The following CFAP100 variants were observed in gnomAD, a reference collection of about 807,000 sequenced individuals.
CFAP100 encodes cilia- and flagella-associated protein 100.
CFAP100 carries 70 observed loss-of-function variants against 81.5 expected under a neutral mutation model. The observed-to-expected ratio is 0.86, with a 90% CI of 0.71 to 1.05. The LOEUF (loss-of-function observed/expected upper bound fraction) is 1.05. CFAP100 is among the 50% of genes least tolerant of loss of function. CFAP100 has a pLI of 0.00. For missense variants in CFAP100, 811 were observed against 776.5 expected (o/e 1.04, Z -0.53); for synonymous variants, 341 against 314.8 (o/e 1.08, Z -0.88).
At chr3:126,409,159 CTCCCCAGAAATTATCCG>C (rs2083115975) in intron 3 of CFAP100, among the ~76,000 whole-genome samples, 1 of 152,186 alleles carries the variant, frequency 6.6e-6, no homozygotes, top group Non-Finnish European at 1.5e-5. Context: ...CCATTTCCAT[CTCCCCAGAAATTATCCG>C]TCCCCCAGAG....
chr3:126,434,589 G>A (rs577577427), intron 15 of CFAP100: 7 of 568,700 alleles, frequency 1.2e-5, no homozygotes, highest in Non-Finnish European at 2.2e-5. Context: ...TAGAGCAAAC[G>A]ACAGTGACTC....
chr3:126,418,287 CTT>C (rs1397827379), intron 5 of CFAP100, 169 bp from the exon 6 acceptor site: 5 of 616,942 alleles, frequency 8.1e-6, no homozygotes, highest in African/African-American at 1.8e-5. Context: ...AGCCTTCTCT[CTT>C]TTTGTGGAGA....
At chr3:126,404,513 T>G (rs947257397) in intron 2 of CFAP100, among the ~76,000 whole-genome samples, 2 of 152,182 alleles carry the variant, frequency 1.3e-5, no homozygotes, top group Non-Finnish European at 2.9e-5. Context: ...CAAGTATATT[T>G]ATCATTCCAC....
At position 126,436,339 on chromosome 3, in the gene CFAP100, A is replaced by T. The variant is rs763372222; in HGVS notation, c.1771A>T (p.Lys591Ter). ...CTCACGACCCCCAGCCCACAGGATC[A>T]AACAACAGTCTGAGCACACACTGAT... is the stretch of plus-strand genomic sequence containing the variant. ...CRSRPPAHRI[K>*]QQSEHTLMDK... The change falls in exon 17 of 17, where the codon AAA (lysine) becomes TAA (stop). Residue 591 changes from lysine to a stop codon, truncating the protein, a stop_gained. Transcript: ENST00000352312. LOFTEE classifies it low-confidence loss of function (END_TRUNC). The T allele has an allele frequency of 6.2e-7, 1 of 1,614,118 alleles. No homozygotes were observed. Among genetic ancestry groups the T allele is most frequent in the Non-Finnish European group, 8.5e-7 (1 of 1,179,976 alleles).
intron 3 of CFAP100, among the ~76,000 whole-genome samples, chr3:126,407,898 G>A (rs769548888): frequency 2.0e-5 from 3 of 152,124 alleles, no homozygotes; most frequent in South Asian, 2.1e-4. Context: ...CTGTGGCTCC[G>A]ACCTCCCTTG....
At chr3:126,408,560 G>A (rs2083105061) in intron 3 of CFAP100, among the ~76,000 whole-genome samples, 1 of 152,112 alleles carries the variant, frequency 6.6e-6, no homozygotes, top group African/African-American at 2.4e-5. Flanking sequence ...TCCTGATGCT[G>A]GCACTGGGAC....
At chr3:126,403,281 G>A (rs2083014855) in intron 2 of CFAP100, among the ~76,000 whole-genome samples, 1 of 152,170 alleles carries the variant, frequency 6.6e-6, no homozygotes. Context: ...TAGGAGGAAA[G>A]GAGAGAGAAT....
At chr3:126,402,995 C>T (rs966648427) in intron 2 of CFAP100, among the ~76,000 whole-genome samples, 1 of 151,892 alleles carries the variant, frequency 6.6e-6, no homozygotes, top group Non-Finnish European at 1.5e-5. Flanking sequence ...AAGAGGGTGT[C>T]GGGGATGCCT....
chr3:126,396,014 C>G lies in CFAP100; in HGVS notation c.14C>G (p.Pro5Arg). ...GCCTCAGCCAAGATGTCTGAGATACCGTCCACTATAGTCTCCAAGAACATG... is the reference window on the plus strand; with the variant it reads ...GCCTCAGCCAAGATGTCTGAGATACGGTCCACTATAGTCTCCAAGAACATG... MSEIPSTIVSKNMTN... is the reference protein window; with the variant it reads MSEIRSTIVSKNMTN... Residue 5 changes from proline (P) to arginine (R), a missense_variant, in exon 2 of 17, where the codon CCG becomes CGG. Coordinates refer to ENST00000352312, the MANE Select transcript of CFAP100 (RefSeq NM_182628.3). 6 of 1,613,958 alleles carry G rather than the reference C, an allele frequency of 3.7e-6. No homozygotes were observed. Among genetic ancestry groups the G allele is most frequent in the Non-Finnish European group, 5.1e-6 (6 of 1,179,828 alleles).
intron 2 of CFAP100, 77 bp from the exon 3 acceptor site, chr3:126,407,095 C>G (rs1359749187): frequency 1.0e-6 from 1 of 977,958 alleles, no homozygotes; most frequent in African/African-American, 1.6e-5. Context: ...TGAGACATTC[C>G]CCGCCTCAGG....
At position 126,435,660 on chromosome 3, in the gene CFAP100, G is replaced by A; in HGVS notation, c.1722+8G>A. 13 of 1,608,462 alleles carry A rather than the reference G, an allele frequency of 8.1e-6. No individual in the cohort carries two copies. The highest frequency in any genetic ancestry group is 1.1e-5 in the Non-Finnish European group (13 of 1,176,390). On this transcript the variant is annotated splice_region_variant and intron_variant, in intron 16 of 16. Transcript: ENST00000352312. The stretch of plus-strand genomic sequence containing the variant: ...GCTGAGATCAAGAAGAAGGTAGGCA[G>A]GGTCGCCTTGGGGGGTCTCTGCTGG...
In CFAP100 at chr3:126,416,387, C is replaced by T. The variant is rs747119104; in HGVS notation, c.297C>T (p.His99=). 8 of 1,611,948 alleles carry T rather than the reference C, an allele frequency of 5.0e-6. No individual in the cohort carries two copies. In the East Asian group the frequency reaches 1.6e-4, roughly 31 times the overall value. Residue 99 remains histidine (H), a synonymous_variant, in exon 5 of 17, where the codon CAC becomes CAT. Transcript: ENST00000352312. ...ACTCCTCGAAAGTGTCGGCTAAGCA[C>T]ACCAGCCTGCGGCGGCAGCTGCAGC... ...MTYSSKVSAK[H]TSLRRQLQLE...
chr3:126,403,470 C>T (rs7647994), intron 2 of CFAP100, among the ~76,000 whole-genome samples: 83,635 of 149,848 alleles, frequency 0.56, 23,472 homozygotes, highest in African/African-American at 0.62. Context: ...CTGCAATCTC[C>T]ACCTCCCAGG....
At chr3:126,435,038 G>A (rs1302084087) in intron 15 of CFAP100, among the ~76,000 whole-genome samples, 1 of 152,162 alleles carries the variant, frequency 6.6e-6, no homozygotes, top group African/African-American at 2.4e-5. Flanking sequence ...GCAGGGCTCT[G>A]AGACAGCGCA....
At chr3:126,428,832 T>G (rs1933063958) in intron 13 of CFAP100, among the ~76,000 whole-genome samples, 1 of 151,934 alleles carries the variant, frequency 6.6e-6, no homozygotes, top group African/African-American at 2.4e-5. Context: ...GCTGGCTGGG[T>G]GTGGTGGCTC....
At position 126,436,410 on chromosome 3, in the gene CFAP100, G is replaced by A. The variant is rs145067722; in HGVS notation, c.*6G>A. 6.7e-5 allele frequency: 107 copies of A among 1,601,448 alleles called. 1 individual carries two copies. The highest frequency in any genetic ancestry group is 2.0e-4 in the South Asian group (18 of 90,328). ...TGCTATTTTTCTTTACTTAATCTTC[G>A]CAGACCATAGCTGTTCTGGCTGAAG... On this transcript the variant is annotated 3_prime_UTR_variant, in exon 17 of 17. Transcript: ENST00000352312.
intron 3 of CFAP100, among the ~76,000 whole-genome samples, chr3:126,409,258 ACTGT>A (rs1443097697): frequency 6.6e-6 from 1 of 152,174 alleles, no homozygotes; most frequent in African/African-American, 2.4e-5. Context: ...GGAATCGCAC[ACTGT>A]CTATCCTTTC....
chr3:126,408,036 C>A (rs2083096334), intron 3 of CFAP100, among the ~76,000 whole-genome samples: 1 of 152,200 alleles, frequency 6.6e-6, no homozygotes, highest in African/African-American at 2.4e-5. Context: ...CACCCCTCTC[C>A]CCACCACATT....
intron 16 of CFAP100, among the ~76,000 whole-genome samples, chr3:126,435,863 C>T (rs1211856877): frequency 6.6e-6 from 1 of 152,184 alleles, no homozygotes; most frequent in Non-Finnish European, 1.5e-5. Flanking sequence ...TGGCCCATGC[C>T]AGGCTGAGCC....
Sources: allele counts gnomAD v4.1 joint callset (sites outside exome capture counted in the v4.1 genomes callset), GRCh38; gene constraint gnomAD v4.1.1; transcripts MANE v1.5; gene names NCBI Gene and HGNC (gene_info 2026-07-23, HGNC 2026-07-21).